The following SRGAP3 variants were observed in gnomAD, a reference collection of about 807,000 sequenced individuals.
The protein encoded by SRGAP3 is SLIT-ROBO Rho GTPase-activating protein 3.
In SRGAP3, 39 loss-of-function variants were observed where a neutral mutation model predicts 121.1. The ratio of observed to expected loss-of-function variants is 0.32; its 90% CI spans 0.25 to 0.42. The LOEUF (loss-of-function observed/expected upper bound fraction) is 0.42. Ranked by LOEUF, SRGAP3 falls within the 10% of genes least tolerant of loss-of-function variation. SRGAP3 has a pLI of 1.00. For synonymous variants in SRGAP3, 601 were observed against 570.0 expected, an observed-to-expected ratio of 1.05 and a Z score of -0.77; for missense variants, 1,213 against 1,470.6, an observed-to-expected ratio of 0.82 and a Z score of 2.86.
chr3:9,279,579 T>C (rs139529266), intron 3 of SRGAP3, among the ~76,000 whole-genome samples: 4,450 of 145,130 alleles, frequency 0.031, 91 homozygotes, highest in South Asian at 0.054. Flanking sequence ...AGTGGCGCAA[T>C]CTCGGCTCAC....
At position 9,055,192 on chromosome 3, in the gene SRGAP3, A is replaced by G. The variant is rs772536366; in HGVS notation, c.1125+1041T>C. On this transcript the variant is annotated intron_variant, in intron 8 of 21. Coordinates refer to ENST00000383836, the MANE Select transcript of SRGAP3 (RefSeq NM_014850.4). ...CTGGGGACTGCACTGATTTGCTATC[A>G]TCCTGAGCTCCAATCTGTCTCACAT... is the stretch of plus-strand genomic sequence containing the variant. Among the ~76,000 whole-genome samples, 7 of 152,238 alleles carry G rather than the reference A, an allele frequency of 4.6e-5. No individual in the cohort carries two copies. The East Asian group carries it at 1.3e-3, about 29-fold the overall frequency.
intron 1 of SRGAP3, among the ~76,000 whole-genome samples, chr3:9,232,497 A>G (rs961100090): frequency 1.3e-5 from 2 of 152,284 alleles, no homozygotes; most frequent in Admixed American, 1.3e-4. Flanking sequence ...ATAAGGACAT[A>G]GGGTTTTTAT....
chr3:9,087,130 A>G (rs986788900), intron 3 of SRGAP3, among the ~76,000 whole-genome samples: 1 of 152,142 alleles, frequency 6.6e-6, no homozygotes, highest in Non-Finnish European at 1.5e-5. Flanking sequence ...GTGTGTATAT[A>G]TATGTGTTTG....
At chr3:9,013,214 C>T in intron 17 of SRGAP3, 94 bp downstream of exon 17, 3 of 1,252,586 alleles carry the variant, frequency 2.4e-6, no homozygotes, top group Non-Finnish European at 3.4e-6. Flanking sequence ...CACCGACTAT[C>T]AAGCAGTAAG....
Position 9,124,909 on chromosome 3 carries a change from T to A in SRGAP3, c.76A>T (p.Thr26Ser). The change falls in exon 2 of 22, where the codon ACG becomes TCG. Residue 26 changes from threonine to serine, a missense_variant. Thr to Ser is a moderately conservative substitution (Grantham distance 58). Transcript: ENST00000383836. ...EYEAQIKEIRTQLVEQFKCLE... is the reference protein window; with the variant it reads ...EYEAQIKEIRSQLVEQFKCLE... Reference sequence around the variant, plus strand: ...CATTTGAACTGCTCCACCAGCTGCGTGCGGATCTCTGCGGGCACACAAGGG... The same window carrying A: ...CATTTGAACTGCTCCACCAGCTGCGAGCGGATCTCTGCGGGCACACAAGGG... 6.2e-7 allele frequency: 1 copy of A among 1,614,048 alleles called. No individual in the cohort carries two copies.
At chr3:9,086,819 A>C (rs1023124295) in intron 3 of SRGAP3, among the ~76,000 whole-genome samples, 1 of 127,452 alleles carries the variant, frequency 7.8e-6, no homozygotes, top group African/African-American at 3.3e-5. Context: ...ATATACATAT[A>C]CATATAGGTA....
At chr3:9,052,967 G>T (rs1211873996) in intron 9 of SRGAP3, 60 bp downstream of exon 9, 2 of 1,605,910 alleles carry the variant, frequency 1.2e-6, no homozygotes, top group Non-Finnish European at 1.7e-6. Flanking sequence ...GGTTGCTCCT[G>T]AAAAGTCACT....
At chr3:9,235,404 A>G (rs180961269) in intron 1 of SRGAP3, 1 of 151,926 alleles carries the variant, frequency 6.6e-6, no homozygotes, top group Admixed American at 6.5e-5. Flanking sequence ...CTAGATTCTT[A>G]TATTTTCCTT....
In SRGAP3 at chr3:9,013,349, T is replaced by C. The variant is rs754934857; in HGVS notation, c.2106A>G (p.Gly702=). 6.2e-7 allele frequency: 1 copy of C among 1,614,050 alleles called. No individual in the cohort carries two copies. The highest frequency in any genetic ancestry group is 1.1e-5 in the South Asian group (1 of 91,070). ...AIFPSPRELE[G]PVYEKCMAGG... ...CAGCCATGCATTTTTCATACACAGG[T>C]CCCTCTAGCTCCCGGGGGCTGGGGA... The change falls in exon 17 of 22, where the codon GGA becomes GGG. Residue 702 remains glycine (G), a synonymous_variant. Transcript: ENST00000383836.
chr3:9,136,925 G>A (rs1023811213), intron 1 of SRGAP3, among the ~76,000 whole-genome samples: 3 of 152,216 alleles, frequency 2.0e-5, no homozygotes, highest in African/African-American at 7.2e-5. Flanking sequence ...CTGGCTAGCT[G>A]TGTGACCTTC....
intron 1 of SRGAP3, among the ~76,000 whole-genome samples, chr3:9,149,668 C>T (rs557342882): frequency 1.1e-4 from 16 of 152,342 alleles, no homozygotes; most frequent in African/African-American, 3.4e-4. Flanking sequence ...AGCAGTGGCG[C>T]TGCACTGCCC....
At chr3:9,070,321 C>T (rs1946639371) in intron 4 of SRGAP3, among the ~76,000 whole-genome samples, 1 of 152,344 alleles carries the variant, frequency 6.6e-6, no homozygotes, top group South Asian at 2.1e-4. Flanking sequence ...ACAGGGCTGT[C>T]CCTGGGCACA....
chr3:9,156,166 A>G (rs1950409960), intron 1 of SRGAP3, among the ~76,000 whole-genome samples: 1 of 152,152 alleles, frequency 6.6e-6, no homozygotes, highest in Non-Finnish European at 1.5e-5. Flanking sequence ...ACAGGCTTTG[A>G]AGTCATTATT....
chr3:9,005,874 G>C (rs892297964), intron 18 of SRGAP3, among the ~76,000 whole-genome samples: 4 of 152,142 alleles, frequency 2.6e-5, no homozygotes, highest in African/African-American at 9.7e-5. Context: ...GCACATATCT[G>C]TGAATACACA....
chr3:9,255,792 G>A (rs960787626), intron 3 of SRGAP3, among the ~76,000 whole-genome samples: 12 of 152,082 alleles, frequency 7.9e-5, no homozygotes, highest in African/African-American at 2.2e-4. Context: ...AAGGAAGATG[G>A]AGTAATAGCT....
At chr3:9,117,118 C>T (rs1191081894) in intron 2 of SRGAP3, among the ~76,000 whole-genome samples, 1 of 152,216 alleles carries the variant, frequency 6.6e-6, no homozygotes, top group Non-Finnish European at 1.5e-5. Context: ...TGATACCAAT[C>T]GCAGTAATAG....
chr3:9,049,052 A>AAAG (rs1491268465), intron 9 of SRGAP3, among the ~76,000 whole-genome samples: 4 of 152,166 alleles, frequency 2.6e-5, no homozygotes, highest in Non-Finnish European at 5.9e-5. Context: ...CTAGTTTCTC[A>AAAG]AAGAGAAACC....
intron 1 of SRGAP3, among the ~76,000 whole-genome samples, chr3:9,334,115 G>T (rs1324383297): frequency 6.6e-6 from 1 of 151,898 alleles, no homozygotes. Flanking sequence ...GATGATTGCT[G>T]TAAGAGTCAA....
chr3:9,276,584 C>T (rs540650353), intron 3 of SRGAP3, among the ~76,000 whole-genome samples: 1 of 152,274 alleles, frequency 6.6e-6, no homozygotes, highest in Admixed American at 6.5e-5. Flanking sequence ...CACCACCACA[C>T]CTGGCTAATT....
Sources: allele counts gnomAD v4.1 joint callset (sites outside exome capture counted in the v4.1 genomes callset), GRCh38; gene constraint gnomAD v4.1.1; transcripts MANE v1.5; gene names NCBI Gene and HGNC (gene_info 2026-07-23, HGNC 2026-07-21).